Variants in ATG4C observed in about 807,000 individuals in gnomAD.
ATG4C encodes autophagy related 4C cysteine peptidase.
A neutral mutation model predicts 57.6 loss-of-function variants in ATG4C; 56 were observed. The ratio of observed to expected loss-of-function variants is 0.97; its 90% CI spans 0.78 to 1.21. The LOEUF (loss-of-function observed/expected upper bound fraction) is 1.21, where lower values mean the gene tolerates loss of function less well. Ranked by LOEUF, ATG4C falls within the 50% of genes most tolerant of loss-of-function variation. The pLI is 0.00. For missense variants in ATG4C, 595 were observed against 529.8 expected, an observed-to-expected ratio of 1.12 and a Z score of -1.21; for synonymous variants, 157 against 174.1, an observed-to-expected ratio of 0.90 and a Z score of 0.78.
chr1:62,829,947 G>A (rs550741237), intron 7 of ATG4C, among the ~76,000 whole-genome samples: 1 of 152,164 alleles, frequency 6.6e-6, no homozygotes, highest in South Asian at 2.1e-4. Flanking sequence ...TAGTAATGTT[G>A]AAATAAAGTC....
intron 2 of ATG4C, 117 bp downstream of exon 2, chr1:62,803,979 A>C: frequency 1.8e-6 from 1 of 568,862 alleles, no homozygotes. Flanking sequence ...TTTACTTTGA[A>C]TGAAATATTT....
At position 62,829,107 on chromosome 1, in the gene ATG4C, T is replaced by C; in HGVS notation, c.864T>C (p.Ala288=). The C allele has an allele frequency of 6.2e-7, 1 of 1,613,164 alleles. No homozygotes were observed. The highest frequency in any genetic ancestry group is 8.5e-7 in the Non-Finnish European group (1 of 1,179,356). The change falls in exon 7 of 11, where the codon GCT becomes GCC. Residue 288 remains alanine, a synonymous_variant. Transcript: ENST00000317868. ...CTTCTGATAATGCAGATGACAAAGC[T>C]GTTATTATTCTAGTTCCTGTTAGAC... ...SMTSDNADDK[A]VIILVPVRLG... is the part of the protein sequence containing the mutation.
Position 62,813,803 on chromosome 1 carries a change from C to G in ATG4C, c.161-2772C>G, listed in dbSNP as rs186515797. Among the ~76,000 whole-genome samples the G allele has an allele frequency of 2.0e-5, 3 of 152,292 alleles. No homozygotes were observed. In the East Asian group the frequency reaches 5.8e-4, roughly 29 times the overall value. ...GGGTGAAGGATGTGAATAGACACTT[C>G]TCAAAAGAAGACATTTATGCAGCCA... On this transcript the variant is annotated intron_variant, in intron 3 of 10. Coordinates refer to ENST00000317868, the MANE Select transcript of ATG4C (RefSeq NM_032852.4).
chr1:62,811,173 C>A (rs1310595995), intron 3 of ATG4C, among the ~76,000 whole-genome samples: 2 of 152,172 alleles, frequency 1.3e-5, no homozygotes, highest in Non-Finnish European at 2.9e-5. Context: ...TCACTACTAC[C>A]CTCCAAGTCA....
rs78082164 is a variant in ATG4C at position 62,832,447 on chromosome 1, A to G, written c.934-1591A>G. ...GAAGGTCTCCTTGCTGCGCTCTCAC[A>G]TGGTGGAAGACAGAAGGGCCGAAAG... On this transcript the variant is annotated intron_variant, in intron 7 of 10. Transcript: ENST00000317868. Among the ~76,000 whole-genome samples, 1,496 of 152,266 alleles carry G rather than the reference A, an allele frequency of 9.8e-3. 19 individuals carry two copies. Among genetic ancestry groups the G allele is most frequent in the South Asian group, 0.039 (187 of 4,818 alleles).
intron 1 of ATG4C, among the ~76,000 whole-genome samples, chr1:62,787,684 A>G (rs1664136886): frequency 6.6e-6 from 1 of 151,968 alleles, no homozygotes. Context: ...GTATACTAGC[A>G]GTATGACCTT....
rs537280976 is a variant in ATG4C at position 62,798,789 on chromosome 1, C to T, written c.-68-4930C>T. Among the ~76,000 whole-genome samples, 752 of 152,084 alleles carry T rather than the reference C, an allele frequency of 4.9e-3. 8 individuals carry two copies. The highest frequency in any genetic ancestry group is 0.018 in the African/African-American group (728 of 41,488). On this transcript the variant is annotated intron_variant, in intron 1 of 10. Transcript: ENST00000317868. ...CCTCCTGAGTAGCTGGGATTACAGGCATGCACCACCATGCCTGGCTAATTT... is the reference window on the plus strand; with the variant it reads ...CCTCCTGAGTAGCTGGGATTACAGGTATGCACCACCATGCCTGGCTAATTT...
intron 10 of ATG4C, among the ~76,000 whole-genome samples, chr1:62,862,423 T>C (rs1248787920): frequency 6.6e-6 from 1 of 152,152 alleles, no homozygotes; most frequent in African/African-American, 2.4e-5. Flanking sequence ...GCCCGTTAGA[T>C]ACTGGACTTT....
chr1:62,800,341 T>A (rs1032786200), intron 1 of ATG4C, among the ~76,000 whole-genome samples: 5 of 152,168 alleles, frequency 3.3e-5, no homozygotes, highest in African/African-American at 1.2e-4. Flanking sequence ...ATTTGGAAAA[T>A]GTGGGCAACT....
chr1:62,798,371 C>T (rs1047539772), intron 1 of ATG4C, among the ~76,000 whole-genome samples: 11 of 152,060 alleles, frequency 7.2e-5, no homozygotes, highest in Admixed American at 1.3e-4. Flanking sequence ...TTCTTAAATA[C>T]GCTTGGGTTT....
intron 1 of ATG4C, among the ~76,000 whole-genome samples, chr1:62,784,705 C>T (rs191917558): frequency 9.2e-5 from 14 of 152,300 alleles, no homozygotes; most frequent in Admixed American, 8.5e-4. Context: ...TTCCTAGCCT[C>T]TTTCTCCCTT....
chr1:62,864,457 A>C lies in ATG4C; in HGVS notation c.*298A>C. On this transcript the variant is annotated 3_prime_UTR_variant, in exon 11 of 11. Coordinates refer to ENST00000317868, the MANE Select transcript of ATG4C (RefSeq NM_032852.4). ...TTTAGTCTTCAAAGTCTTCCACCTG[A>C]GCCCATTGTTCTCATGGAGGTTTTG... is the stretch of plus-strand genomic sequence containing the variant. 1 of 241,328 alleles carries C rather than the reference A, an allele frequency of 4.1e-6. No homozygotes were observed. The highest frequency in any genetic ancestry group is 8.0e-6 in the Non-Finnish European group (1 of 125,692). The allele number at this position is 241,328 out of a possible 1,614,324, so 14.9% of individuals were successfully genotyped here.
chr1:62,837,867 T>A (rs539827361), intron 9 of ATG4C, among the ~76,000 whole-genome samples: 10 of 152,166 alleles, frequency 6.6e-5, no homozygotes, highest in Non-Finnish European at 1.3e-4. Context: ...CTCAGCCCAC[T>A]GTAGCCTTGA....
intron 3 of ATG4C, among the ~76,000 whole-genome samples, chr1:62,813,689 C>T (rs574546671): frequency 4.3e-4 from 65 of 152,232 alleles, no homozygotes; most frequent in South Asian, 2.5e-3. Context: ...AAAATTTTTG[C>T]AATCTCTCCA....
chr1:62,805,652 A>G (rs1357588246), intron 3 of ATG4C, among the ~76,000 whole-genome samples: 4 of 152,138 alleles, frequency 2.6e-5, no homozygotes, highest in East Asian at 1.9e-4. Flanking sequence ...TTCTACGTAT[A>G]TTAATTCTTT....
At chr1:62,794,007 G>T (rs1171801442) in intron 1 of ATG4C, among the ~76,000 whole-genome samples, 1 of 152,200 alleles carries the variant, frequency 6.6e-6, no homozygotes, top group Non-Finnish European at 1.5e-5. Flanking sequence ...CTAAGAACCT[G>T]ACATAATTAA....
At chr1:62,804,236 A>G (rs1351189714) in intron 2 of ATG4C, among the ~76,000 whole-genome samples, 1 of 151,590 alleles carries the variant, frequency 6.6e-6, no homozygotes, top group Non-Finnish European at 1.5e-5. Flanking sequence ...ACAGGTGCGC[A>G]CTACCACACC....
chr1:62,826,427 G>A (rs1335523167), intron 6 of ATG4C, among the ~76,000 whole-genome samples: 3 of 149,278 alleles, frequency 2.0e-5, no homozygotes, highest in Non-Finnish European at 3.0e-5. Flanking sequence ...TAGTAGAGAC[G>A]GGGTTTCACC....
At chr1:62,801,831 G>A (rs1482334880) in intron 1 of ATG4C, among the ~76,000 whole-genome samples, 8 of 150,906 alleles carry the variant, frequency 5.3e-5, no homozygotes, top group Middle Eastern at 3.4e-3. Flanking sequence ...GGTGGCAGGC[G>A]CCTGGAGTCC....
Sources: gnomAD v4.1 joint callset for allele counts (sites outside exome capture counted in the v4.1 genomes callset) on GRCh38, gnomAD v4.1.1 for gene constraint, MANE v1.5 for transcripts, NCBI Gene and HGNC (gene_info 2026-07-23, HGNC 2026-07-21) for gene names.